ATRNL1: variants seen among roughly 807,000 people sequenced by gnomAD.
The protein encoded by ATRNL1 is attractin-like protein 1.
Under a neutral mutation model 182.7 loss-of-function variants are expected in ATRNL1, and 95 were observed. The ratio of observed to expected loss-of-function variants is 0.52; its 90% CI spans 0.44 to 0.62. The LOEUF is 0.62. ATRNL1 is among the 20% of genes least tolerant of loss of function. The pLI, the probability that ATRNL1 is intolerant of heterozygous loss-of-function variation, is 0.00. For synonymous variants in ATRNL1, 576 were observed against 568.3 expected (o/e 1.01, Z -0.19); for missense variants, 1,471 against 1,679.5 (o/e 0.88, Z 2.17).
At chr10:115,897,844 G>A (rs1387002286) in intron 28 of ATRNL1, among the ~76,000 whole-genome samples, 1 of 152,060 alleles carries the variant, frequency 6.6e-6, no homozygotes, top group African/African-American at 2.4e-5. Context: ...TATCTAATAG[G>A]TCATAAGTGA....
At chr10:115,099,474 G>A (rs1399561322) in intron 1 of ATRNL1, among the ~76,000 whole-genome samples, 1 of 152,168 alleles carries the variant, frequency 6.6e-6, no homozygotes, top group Non-Finnish European at 1.5e-5. Context: ...TGGATCATAT[G>A]GGTAGATATA....
Position 115,093,652 on chromosome 10 carries a change from A to G in ATRNL1, c.-99A>G. ...ACGGGCGCCGGTGAGGAGGAGGAGA[A>G]GCGGCGGCGGAGAGGTTTTCTGCGG... is the stretch of plus-strand genomic sequence containing the variant. On this transcript the variant is annotated 5_prime_UTR_variant, in exon 1 of 29. Transcript: ENST00000355044. The surrounding 1 kb of genome is among the most constrained non-coding windows in gnomAD (Gnocchi z 6.1). 7.6e-7 allele frequency: 1 copy of G among 1,309,148 alleles called. No individual in the cohort carries two copies. The highest frequency in any genetic ancestry group is 1.0e-6 in the Non-Finnish European group (1 of 955,244). The allele number at this position is 1,309,148 out of a possible 1,614,324, so 81.1% of individuals were successfully genotyped here.
chr10:115,304,141 T>A (rs1853614605), intron 17 of ATRNL1, among the ~76,000 whole-genome samples: 1 of 152,082 alleles, frequency 6.6e-6, no homozygotes, highest in Non-Finnish European at 1.5e-5. Context: ...TTCCTAGGAG[T>A]GTAGGCCATA....
At chr10:115,136,616 C>T (rs1845525043) in intron 5 of ATRNL1, among the ~76,000 whole-genome samples, 1 of 152,190 alleles carries the variant, frequency 6.6e-6, no homozygotes, top group Admixed American at 6.5e-5. Flanking sequence ...CTCTCCCTAC[C>T]CCTGCCAACC....
chr10:115,728,633 G>GA (rs1243123688), intron 27 of ATRNL1, among the ~76,000 whole-genome samples: 10 of 151,878 alleles, frequency 6.6e-5, no homozygotes, highest in Non-Finnish European at 1.5e-4. Flanking sequence ...TGTTTTTTCT[G>GA]AAAAAATAAG....
rs1858306546 is a variant in ATRNL1 at position 115,385,730 on chromosome 10, A to G, written c.3176-8929A>G. The stretch of plus-strand genomic sequence containing the variant: ...AAATTTGTGATTAATTCTGAGTAAA[A>G]TTTGTGTGTAATGTGAAGTTGTGAT... On this transcript the variant is annotated intron_variant, in intron 19 of 28. Coordinates refer to ENST00000355044, the MANE Select transcript of ATRNL1 (RefSeq NM_207303.4). Among the ~76,000 whole-genome samples the G allele has an allele frequency of 2.0e-5, 3 of 152,136 alleles. No homozygotes were observed. The South Asian group carries it at 6.2e-4, about 31-fold the overall frequency.
chr10:115,914,541 C>T (rs1214460679), intron 28 of ATRNL1, among the ~76,000 whole-genome samples: 1 of 152,200 alleles, frequency 6.6e-6, no homozygotes, highest in African/African-American at 2.4e-5. Flanking sequence ...AAGTGACCAG[C>T]AAGGACTTCC....
At chr10:115,536,384 T>C (rs1852001221) in intron 25 of ATRNL1, among the ~76,000 whole-genome samples, 1 of 152,140 alleles carries the variant, frequency 6.6e-6, no homozygotes, top group African/African-American at 2.4e-5. Flanking sequence ...TAGCAATCAG[T>C]GAGACTCCGT....
chr10:115,110,761 A>G (rs1844223379), intron 1 of ATRNL1, among the ~76,000 whole-genome samples: 1 of 152,236 alleles, frequency 6.6e-6, no homozygotes, highest in South Asian at 2.1e-4. Context: ...AGAAAATTAA[A>G]TTAATTCTTT....
chr10:115,708,383 T>C (rs1158499536), intron 26 of ATRNL1, among the ~76,000 whole-genome samples: 2 of 151,720 alleles, frequency 1.3e-5, no homozygotes, highest in Admixed American at 1.3e-4. Context: ...GCCTGAACTC[T>C]CAGGGTTCTT....
At chr10:115,394,788 T>A in intron 20 of ATRNL1, 36 bp downstream of exon 20, 1 of 1,451,728 alleles carries the variant, frequency 6.9e-7, no homozygotes, top group Non-Finnish European at 9.5e-7. Context: ...TTTCGTGGAT[T>A]GAATTTGTGT....
At chr10:115,329,380 T>C (rs1194595510) in intron 18 of ATRNL1, among the ~76,000 whole-genome samples, 1 of 152,140 alleles carries the variant, frequency 6.6e-6, no homozygotes, top group Non-Finnish European at 1.5e-5. Context: ...TGGAATATTT[T>C]GTATATGTGA....
chr10:115,360,660 T>A (rs1355334243), intron 19 of ATRNL1, among the ~76,000 whole-genome samples: 44 of 151,638 alleles, frequency 2.9e-4, no homozygotes, highest in African/African-American at 9.7e-4. Context: ...GTCTTTTTTT[T>A]TTAAAAAAAA....
chr10:115,133,675 C>T (rs1306717760), intron 5 of ATRNL1, among the ~76,000 whole-genome samples: 1 of 152,152 alleles, frequency 6.6e-6, no homozygotes, highest in Non-Finnish European at 1.5e-5. Context: ...AGGAATTGAA[C>T]TCAGCTCTGC....
intron 19 of ATRNL1, among the ~76,000 whole-genome samples, chr10:115,365,295 A>G (rs1196431070): frequency 2.6e-5 from 4 of 151,912 alleles, no homozygotes; most frequent in African/African-American, 4.8e-5. Flanking sequence ...TAGATTTTCT[A>G]GTTTATTTGC....
chr10:115,821,470 C>G (rs1211287082), intron 27 of ATRNL1, among the ~76,000 whole-genome samples: 1 of 151,948 alleles, frequency 6.6e-6, no homozygotes, highest in Non-Finnish European at 1.5e-5. Flanking sequence ...CCAAATGCCC[C>G]CAATTAAAAG....
chr10:115,405,652 A>G (rs1338541612), intron 20 of ATRNL1, among the ~76,000 whole-genome samples: 1 of 151,826 alleles, frequency 6.6e-6, no homozygotes, highest in Non-Finnish European at 1.5e-5. Context: ...AGAGTATTTC[A>G]TTATATAATT....
At chr10:115,871,995 G>A (rs1373212510) in intron 28 of ATRNL1, among the ~76,000 whole-genome samples, 1 of 152,118 alleles carries the variant, frequency 6.6e-6, no homozygotes, top group Non-Finnish European at 1.5e-5. Context: ...AAATTATTCA[G>A]ACACCAATCA....
chr10:115,295,643 G>A (rs1853145099), intron 15 of ATRNL1, among the ~76,000 whole-genome samples: 1 of 152,030 alleles, frequency 6.6e-6, no homozygotes, highest in African/African-American at 2.4e-5. Flanking sequence ...GAGTCTCAAG[G>A]GCCTCTCCTG....
Sources: gnomAD v4.1 joint callset for allele counts (sites outside exome capture counted in the v4.1 genomes callset) on GRCh38, gnomAD v4.1.1 for gene constraint, Gnocchi (gnomAD v3.1) non-coding constraint, MANE v1.5 for transcripts, NCBI Gene and HGNC (gene_info 2026-07-23, HGNC 2026-07-21) for gene names.